CHRDL1: variants seen among roughly 807,000 people sequenced by gnomAD.
CHRDL1 encodes chordin like 1.
In CHRDL1, 19 loss-of-function variants were observed where a neutral mutation model predicts 40.9. The observed-to-expected ratio is 0.46, with a 90% confidence interval of 0.32 to 0.68. The LOEUF (loss-of-function observed/expected upper bound fraction) is 0.68, where lower values mean the gene tolerates loss of function less well. CHRDL1 is among the 30% of genes least tolerant of loss of function. The pLI is 0.03. For synonymous variants in CHRDL1, 136 were observed against 123.4 expected, an observed-to-expected ratio of 1.10 and a Z score of -0.68; for missense variants, 329 against 352.1, an observed-to-expected ratio of 0.93 and a Z score of 0.53.
Position 110,723,604 on chromosome X carries a change from C to A in CHRDL1, c.302-2074G>T, listed in dbSNP as rs183618716. ...CTGATTCTAGAACCTTCCCTCATAA[C>A]CACTATCAAAAAAAGTGCCAATCAC... On this transcript the variant is annotated intron_variant, in intron 4 of 11. Transcript: ENST00000372042. Among the ~76,000 whole-genome samples, 19 of 111,322 alleles carry A rather than the reference C, an allele frequency of 1.7e-4. No individual in the cohort carries two copies. The Admixed American group carries it at 1.8e-3, about 11-fold the overall frequency.
At chrX:110,759,473 T>C (rs1337790076) in intron 4 of CHRDL1, among the ~76,000 whole-genome samples, 188 bp downstream of exon 4, 4 of 112,356 alleles carry the variant, frequency 3.6e-5, no homozygotes, top group Non-Finnish European at 5.6e-5. Flanking sequence ...CCCAATAACT[T>C]ATTAGAGCCT....
chrX:110,758,091 T>C (rs1415876379), intron 4 of CHRDL1, among the ~76,000 whole-genome samples: 1 of 94,447 alleles, frequency 1.1e-5, no homozygotes, highest in Non-Finnish European at 2.1e-5. Flanking sequence ...CCTGGCAGGT[T>C]AACCAAAAAA....
intron 2 of CHRDL1, among the ~76,000 whole-genome samples, chrX:110,765,139 C>T (rs776093970): frequency 9.0e-6 from 1 of 111,108 alleles, no homozygotes; most frequent in South Asian, 3.8e-4. Flanking sequence ...TCCTTTGAAG[C>T]ATGTGATCTT....
At position 110,719,797 on chromosome X, in the gene CHRDL1, T is replaced by C. The variant is rs763261445; in HGVS notation, c.541+38A>G. The C allele has an allele frequency of 5.5e-6, 5 of 912,438 alleles. No individual in the cohort carries two copies. In the South Asian group the frequency reaches 1.0e-4, roughly 19 times the overall value. The allele number at this position is 912,438 out of a possible 1,213,427, so 75.2% of individuals were successfully genotyped here. On this transcript the variant is annotated intron_variant, in intron 6 of 11. Transcript: ENST00000372042. The stretch of plus-strand genomic sequence containing the variant: ...CCTTTCTAAATTCTACTACACAGGA[T>C]AGCAGCACCCAGGGGTCTTGGGATA...
chrX:110,691,056 A>G (rs774834325), intron 8 of CHRDL1, among the ~76,000 whole-genome samples: 32 of 109,511 alleles, frequency 2.9e-4, no homozygotes, highest in African/African-American at 8.6e-4. Context: ...CAAAAATAAT[A>G]ATACGAAAGT....
At chrX:110,681,779 T>A (rs1317075510) in intron 9 of CHRDL1, 130 bp from the exon 10 acceptor site, 9 of 504,494 alleles carry the variant, frequency 1.8e-5, no homozygotes, top group Admixed American at 7.3e-5. Context: ...AGAACATTCT[T>A]CGAGAGACAG....
In CHRDL1 at chrX:110,694,242, C is replaced by A; in HGVS notation, c.699G>T (p.Arg233=). The A allele has an allele frequency of 8.3e-7, 1 of 1,209,274 alleles. No homozygotes were observed. Among genetic ancestry groups the A allele is most frequent in the South Asian group, 1.8e-5 (1 of 56,901 alleles). Residue 233 remains arginine (R), a synonymous_variant, in exon 8 of 12, where the codon CGG becomes CGT. Coordinates refer to ENST00000372042, the MANE Select transcript of CHRDL1 (RefSeq NM_001143981.2). The stretch of plus-strand genomic sequence containing the variant: ...CTTGCTGGGAATCCATAAGAGCTCC[C>A]CGGTGACTTCTGGCCCCAGGAAAGC... The part of the protein sequence containing the change: ...LSRFPGARSH[R]GALMDSQQAS...
intron 4 of CHRDL1, among the ~76,000 whole-genome samples, chrX:110,731,897 CA>C (rs762268686): frequency 1.6e-4 from 17 of 109,151 alleles, no homozygotes; most frequent in Admixed American, 1.5e-3. Context: ...GTGATGGATG[CA>C]ACATCTTGTA....
At chrX:110,689,110 ATATT>A (rs1385681991) in intron 8 of CHRDL1, among the ~76,000 whole-genome samples, 1 of 77,675 alleles carries the variant, frequency 1.3e-5, no homozygotes, top group Non-Finnish European at 2.5e-5. Context: ...ATATATATAT[ATATT>A]TTAAGACCGG....
At chrX:110,732,689 A>T (rs2071188118) in intron 4 of CHRDL1, among the ~76,000 whole-genome samples, 1 of 110,240 alleles carries the variant, frequency 9.1e-6, no homozygotes, top group Admixed American at 9.6e-5. Context: ...ATGGCTAGGA[A>T]GGATGGCTTG....
chrX:110,682,285 G>A (rs1370590823), intron 9 of CHRDL1, among the ~76,000 whole-genome samples: 1 of 112,179 alleles, frequency 8.9e-6, no homozygotes, highest in Non-Finnish European at 1.9e-5. Context: ...TGTCAGATTA[G>A]CCATATGTAT....
At chrX:110,759,876 C>T (rs913697927) in intron 3 of CHRDL1, 122 bp from the exon 4 acceptor site, 23 of 506,390 alleles carry the variant, frequency 4.5e-5, no homozygotes, top group Non-Finnish European at 7.2e-5. Context: ...TCCCAAGAAG[C>T]TGAATGCATT....
intron 7 of CHRDL1, 82 bp downstream of exon 7, chrX:110,700,572 T>A: frequency 1.5e-6 from 1 of 666,110 alleles, no homozygotes; most frequent in Non-Finnish European, 2.4e-6. Flanking sequence ...TTTTTTGGAT[T>A]TGCTAGAATA....
At chrX:110,793,031 A>G (rs768935847) in intron 1 of CHRDL1, among the ~76,000 whole-genome samples, 2 of 112,602 alleles carry the variant, frequency 1.8e-5, no homozygotes, top group African/African-American at 6.4e-5. Flanking sequence ...ACCTTGGAAC[A>G]CAGAAAGTTT....
chrX:110,747,636 A>G (rs1170922235), intron 4 of CHRDL1, among the ~76,000 whole-genome samples: 1 of 112,359 alleles, frequency 8.9e-6, no homozygotes, highest in Non-Finnish European at 1.9e-5. Flanking sequence ...AATATAACTT[A>G]CATACGTACA....
At position 110,704,626 on chromosome X, in the gene CHRDL1, T is replaced by G. The variant is rs144467734; in HGVS notation, c.542-3905A>C. On this transcript the variant is annotated intron_variant, in intron 6 of 11. Coordinates refer to ENST00000372042, the MANE Select transcript of CHRDL1 (RefSeq NM_001143981.2). ...ATGGGGAAGGAAGGCAAAGGGGAAA[T>G]CAGTATCTGACAACTCTTGGGTTGC... Among the ~76,000 whole-genome samples the G allele has an allele frequency of 3.3e-3, 367 of 111,298 alleles. 3 individuals carry two copies. The highest frequency in any genetic ancestry group is 0.011 in the African/African-American group (349 of 30,596).
At chrX:110,794,133 C>T (rs1240089836) in intron 1 of CHRDL1, among the ~76,000 whole-genome samples, 1 of 112,077 alleles carries the variant, frequency 8.9e-6, no homozygotes, top group Non-Finnish European at 1.9e-5. Context: ...TTCAATTTCT[C>T]TTTATCTCTT....
intron 2 of CHRDL1, among the ~76,000 whole-genome samples, chrX:110,768,416 T>C (rs1316458973): frequency 9.0e-6 from 1 of 111,270 alleles, no homozygotes; most frequent in Admixed American, 9.5e-5. Context: ...TCTGGGTGTA[T>C]CCTATCTGGG....
chrX:110,763,964 T>A (rs767292522), intron 2 of CHRDL1, among the ~76,000 whole-genome samples: 1 of 112,114 alleles, frequency 8.9e-6, no homozygotes, highest in East Asian at 2.8e-4. Context: ...AAGGTGGTAT[T>A]GCATTCTGGT....
Sources: gnomAD v4.1 joint callset for allele counts (sites outside exome capture counted in the v4.1 genomes callset) on GRCh38, gnomAD v4.1.1 for gene constraint, MANE v1.5 for transcripts, NCBI Gene and HGNC (gene_info 2026-07-23, HGNC 2026-07-21) for gene names.